The following ARFGAP3 variants were observed in gnomAD, a reference collection of about 807,000 sequenced individuals.
ARFGAP3 encodes the protein ARF GTPase activating protein 3, also known as ADP-ribosylation factor GTPase-activating protein 3.
In ARFGAP3, 72 loss-of-function variants were observed where a neutral mutation model predicts 75.0. The observed-to-expected ratio is 0.96, with a 90% CI of 0.79 to 1.17. The LOEUF (loss-of-function observed/expected upper bound fraction) is 1.17, where lower values mean the gene tolerates loss of function less well. Ranked by LOEUF, ARFGAP3 falls within the 50% of genes most tolerant of loss-of-function variation. The pLI is 0.00. For missense variants in ARFGAP3, 620 were observed against 626.6 expected (o/e 0.99, Z 0.11); for synonymous variants, 221 against 217.9 (o/e 1.01, Z -0.13).
intron 2 of ARFGAP3, among the ~76,000 whole-genome samples, chr22:42,842,403 C>T (rs183823776): frequency 5.4e-4 from 81 of 150,964 alleles, no homozygotes; most frequent in African/African-American, 1.8e-3. Context: ...CCACCTCAGC[C>T]TCTCAGTGTT....
chr22:42,816,516 C>T (rs1925587632), intron 11 of ARFGAP3, among the ~76,000 whole-genome samples: 1 of 152,222 alleles, frequency 6.6e-6, no homozygotes, highest in Non-Finnish European at 1.5e-5. Context: ...ACGAAGTGAA[C>T]TGACTCAAGT....
chr22:42,851,436 T>G (rs1927271819), intron 1 of ARFGAP3, among the ~76,000 whole-genome samples: 1 of 152,210 alleles, frequency 6.6e-6, no homozygotes, highest in African/African-American at 2.4e-5. Flanking sequence ...GCTAAGGGAT[T>G]GCTAAAATGT....
chr22:42,830,160 C>A (rs140406654), intron 6 of ARFGAP3, among the ~76,000 whole-genome samples: 25 of 152,118 alleles, frequency 1.6e-4, no homozygotes, highest in Non-Finnish European at 3.2e-4. Flanking sequence ...CTGTCACCCA[C>A]GCTGGAGAGT....
Position 42,809,253 on chromosome 22 carries a change from T to A in ARFGAP3, c.1197-363A>T, listed in dbSNP as rs193298601. 2.6e-5 allele frequency among the ~76,000 whole-genome samples: 4 copies of A among 152,316 alleles called. No individual in the cohort carries two copies. In the East Asian group the frequency reaches 7.7e-4, roughly 29 times the overall value. On this transcript the variant is annotated intron_variant, in intron 12 of 15. Transcript: ENST00000263245. ...CCCAGTTACCTGGGACAATTTCAAG[T>A]CACACCTGTTGTCCCAACATATTAG...
intron 8 of ARFGAP3, among the ~76,000 whole-genome samples, chr22:42,823,238 C>A (rs1925890320): frequency 6.6e-6 from 1 of 152,034 alleles, no homozygotes; most frequent in Non-Finnish European, 1.5e-5. Context: ...GCCAAGGTCA[C>A]ACAGCCAATA....
intron 11 of ARFGAP3, among the ~76,000 whole-genome samples, chr22:42,815,981 G>A (rs1394461934): frequency 6.6e-6 from 1 of 152,132 alleles, no homozygotes; most frequent in Non-Finnish European, 1.5e-5. Flanking sequence ...GGGTATGGTG[G>A]CACACGCCTG....
At chr22:42,839,534 G>A (rs1301282197) in intron 3 of ARFGAP3, among the ~76,000 whole-genome samples, 1 of 149,324 alleles carries the variant, frequency 6.7e-6, no homozygotes, top group Non-Finnish European at 1.5e-5. Flanking sequence ...GGAGGTGGAG[G>A]TTGCAGTGAG....
At chr22:42,855,848 T>C (rs9611940) in intron 1 of ARFGAP3, among the ~76,000 whole-genome samples, 2 of 148,922 alleles carry the variant, frequency 1.3e-5, no homozygotes, top group Non-Finnish European at 3.0e-5. Flanking sequence ...AGCAAGACCC[T>C]GTCTCTACAA....
At chr22:42,847,371 A>G in intron 2 of ARFGAP3, 143 bp downstream of exon 2, 1 of 666,150 alleles carries the variant, frequency 1.5e-6, no homozygotes, top group Non-Finnish European at 2.6e-6. Context: ...ACTTGAGCCC[A>G]GTGAGCTATG....
intron 7 of ARFGAP3, among the ~76,000 whole-genome samples, chr22:42,824,528 CTTTT>C (rs111869150): frequency 3.0e-5 from 4 of 135,358 alleles, no homozygotes; most frequent in Admixed American, 2.2e-4. Flanking sequence ...GGTTTTCTTT[CTTTT>C]TTTTTTTTTT....
At chr22:42,855,175 G>A (rs145152835) in intron 1 of ARFGAP3, among the ~76,000 whole-genome samples, 3 of 152,288 alleles carry the variant, frequency 2.0e-5, no homozygotes, top group African/African-American at 7.2e-5. Flanking sequence ...CTAGAAAGTA[G>A]CAGTTTGGAC....
intron 1 of ARFGAP3, among the ~76,000 whole-genome samples, chr22:42,848,008 G>C (rs1345297773): frequency 6.6e-6 from 1 of 151,048 alleles, no homozygotes; most frequent in Admixed American, 6.6e-5. Flanking sequence ...GGGACTACAG[G>C]CTCACACCAC....
intron 7 of ARFGAP3, 131 bp from the exon 8 acceptor site, chr22:42,823,833 A>C: frequency 8.7e-7 from 1 of 1,145,148 alleles, no homozygotes; most frequent in Non-Finnish European, 1.2e-6. Flanking sequence ...TTAGTTTCTC[A>C]TCCAGAAGAC....
chr22:42,800,256 G>A (rs13056185), intron 14 of ARFGAP3, among the ~76,000 whole-genome samples: 16 of 152,170 alleles, frequency 1.1e-4, no homozygotes, highest in South Asian at 4.1e-4. Context: ...CCCACCAGAC[G>A]CAGTGGCTCA....
chr22:42,809,615 C>A lies in ARFGAP3; in HGVS notation c.1197-725G>T, dbSNP rs192047764. Among the ~76,000 whole-genome samples the A allele has an allele frequency of 9.2e-5, 14 of 152,052 alleles. No individual in the cohort carries two copies. In the East Asian group the frequency reaches 2.7e-3, roughly 29 times the overall value. On this transcript the variant is annotated intron_variant, in intron 12 of 15. Transcript: ENST00000263245. Reference sequence around the variant, plus strand: ...GGGGGTGATGGGAACTGTTCTGTTTCTTGGTTTTGGTGGTAATTACATGAA... The same window carrying A: ...GGGGGTGATGGGAACTGTTCTGTTTATTGGTTTTGGTGGTAATTACATGAA...
At chr22:42,844,614 A>C (rs924980608) in intron 2 of ARFGAP3, among the ~76,000 whole-genome samples, 5 of 151,486 alleles carry the variant, frequency 3.3e-5, no homozygotes, top group Admixed American at 3.3e-4. Context: ...AAAATAAAAA[A>C]CCCAAAAAAC....
intron 3 of ARFGAP3, among the ~76,000 whole-genome samples, chr22:42,839,457 G>T (rs949134304): frequency 4.0e-5 from 6 of 151,834 alleles, no homozygotes; most frequent in African/African-American, 1.5e-4. Flanking sequence ...AAAAATCCAG[G>T]CATGGTGACG....
At chr22:42,824,170 ATTTTTTTTTTTT>A (rs57620930) in intron 7 of ARFGAP3, among the ~76,000 whole-genome samples, 1 of 59,844 alleles carries the variant, frequency 1.7e-5, no homozygotes, top group African/African-American at 7.3e-5. Context: ...ACATCTGGCT[ATTTTTTTTTTTT>A]TTTTTTTTTT....
chr22:42,817,442 G>A (rs1925627290), intron 10 of ARFGAP3, 178 bp from the exon 11 acceptor site: 1 of 452,074 alleles, frequency 2.2e-6, no homozygotes, highest in Non-Finnish European at 2.9e-6. Flanking sequence ...AAAATTTTGT[G>A]AGGACTGTGT....
Sources: gnomAD v4.1 joint callset for allele counts (sites outside exome capture counted in the v4.1 genomes callset) on GRCh38, gnomAD v4.1.1 for gene constraint, MANE v1.5 for transcripts, NCBI Gene and HGNC (gene_info 2026-07-23, HGNC 2026-07-21) for gene names.